The following PSMA5 variants were observed in gnomAD, a reference collection of about 807,000 sequenced individuals.
PSMA5 encodes the protein proteasome subunit alpha type-5.
Under a neutral mutation model 34.5 loss-of-function variants are expected in PSMA5, and 3 were observed. The observed-to-expected ratio is 0.09, with a 90% CI of 0.04 to 0.22. PSMA5 has a LOEUF of 0.22. Among genes scored for constraint, PSMA5 ranks in the 10% least tolerant of loss-of-function variants. The probability of loss-of-function intolerance (pLI) is 1.00; values close to 1 mark genes in which losing one functional copy is unlikely to be tolerated. For missense variants in PSMA5, 120 were observed against 286.1 expected, an observed-to-expected ratio of 0.42 and a Z score of 4.19; for synonymous variants, 88 against 95.8, an observed-to-expected ratio of 0.92 and a Z score of 0.47.
intron 8 of PSMA5, among the ~76,000 whole-genome samples, chr1:109,405,454 T>TG (rs1190905600): frequency 6.7e-6 from 1 of 148,276 alleles, no homozygotes; most frequent in African/African-American, 2.5e-5. Flanking sequence ...AAGGTTTTTT[T>TG]TTTTTTTTTT....
intron 8 of PSMA5, among the ~76,000 whole-genome samples, chr1:109,406,847 T>C (rs994388785): frequency 1.3e-5 from 2 of 152,176 alleles, no homozygotes; most frequent in Admixed American, 6.6e-5. Flanking sequence ...CAACATCCGC[T>C]GAATTGTAAA....
chr1:109,411,732 C>A (rs1653997387), intron 6 of PSMA5, 145 bp downstream of exon 6: 1 of 758,370 alleles, frequency 1.3e-6, no homozygotes, highest in African/African-American at 1.8e-5. Flanking sequence ...CTCAAGAGAT[C>A]CTCCTGCCTT....
At chr1:109,421,660 C>G (rs1382392299) in intron 2 of PSMA5, among the ~76,000 whole-genome samples, 200 bp downstream of exon 2, 1 of 151,996 alleles carries the variant, frequency 6.6e-6, no homozygotes, top group African/African-American at 2.4e-5. Flanking sequence ...AATTATGAAG[C>G]AGTTAACTGC....
At chr1:109,402,159 G>T in intron 8 of PSMA5, 69 bp from the exon 9 acceptor site, 1 of 1,155,388 alleles carries the variant, frequency 8.7e-7, no homozygotes, top group South Asian at 1.3e-5. Context: ...CCATGGTCAG[G>T]AGAAGCTGTG....
At chr1:109,425,594 C>T (rs1299392562) in intron 1 of PSMA5, 1 of 152,126 alleles carries the variant, frequency 6.6e-6, no homozygotes, top group East Asian at 1.9e-4. Flanking sequence ...AAAAGAGTAG[C>T]TATGTAAAAA....
chr1:109,401,906 A>G lies in PSMA5; in HGVS notation c.*107T>C. 1 of 839,952 alleles carries G rather than the reference A, an allele frequency of 1.2e-6. No individual in the cohort carries two copies. The highest frequency in any genetic ancestry group is 1.9e-6 in the Non-Finnish European group (1 of 537,890). 52.0% of individuals were successfully genotyped at this position (839,952 alleles called of 1,614,324 possible). Reference sequence around the variant, plus strand: ...CTTTATGTACAGACATCATTTAAAAAATGCACATACAATGGAGATTTTCCA... The same window carrying G: ...CTTTATGTACAGACATCATTTAAAAGATGCACATACAATGGAGATTTTCCA... On this transcript the variant is annotated 3_prime_UTR_variant, in exon 9 of 9. Coordinates refer to ENST00000271308, the MANE Select transcript of PSMA5 (RefSeq NM_002790.4).
At chr1:109,424,482 C>A (rs10858096) in intron 1 of PSMA5, among the ~76,000 whole-genome samples, 65,798 of 151,762 alleles carry the variant, frequency 0.43, 16,359 homozygotes, top group East Asian at 0.62. Flanking sequence ...GTAAACAATT[C>A]TTTAAGAGTC....
chr1:109,426,059 C>A, intron 1 of PSMA5: 1 of 584,740 alleles, frequency 1.7e-6, no homozygotes, highest in Non-Finnish European at 3.1e-6. Context: ...CAAGCACCAG[C>A]CGGAGCTTCT....
At chr1:109,426,200 G>A (rs1654650572) in intron 1 of PSMA5, 102 bp downstream of exon 1, 1 of 1,505,866 alleles carries the variant, frequency 6.6e-7, no homozygotes, top group Non-Finnish European at 9.2e-7. Flanking sequence ...CCAGTCTCGG[G>A]TTCCTGGGGA....
chr1:109,407,445 C>CTGCTG (rs1653818149), intron 8 of PSMA5, among the ~76,000 whole-genome samples: 1 of 152,064 alleles, frequency 6.6e-6, no homozygotes, highest in Admixed American at 6.6e-5. Flanking sequence ...CCTATGAAAG[C>CTGCTG]TGGTTCTATG....
chr1:109,421,065 G>T (rs1038111975), intron 2 of PSMA5, among the ~76,000 whole-genome samples: 3 of 150,748 alleles, frequency 2.0e-5, no homozygotes, highest in Non-Finnish European at 3.0e-5. Flanking sequence ...GCACACATCT[G>T]TACCCTAGCT....
At chr1:109,411,971 G>C (rs370937312) in intron 5 of PSMA5, 36 bp from the exon 6 acceptor site, 680 of 1,594,420 alleles carry the variant, frequency 4.3e-4, no homozygotes, top group Non-Finnish European at 5.6e-4. Flanking sequence ...AAGATAAATG[G>C]CTATAAAGTA....
chr1:109,426,365 A>C lies in PSMA5; in HGVS notation c.-35T>G. 1 of 1,598,398 alleles carries C rather than the reference A, an allele frequency of 6.3e-7. No individual in the cohort carries two copies. Among genetic ancestry groups the C allele is most frequent in the East Asian group, 2.3e-5 (1 of 43,460 alleles). On this transcript the variant is annotated 5_prime_UTR_variant, in exon 1 of 9. Transcript: ENST00000271308. ...AGGAGGAGGCAGCGGCTACGCGGGG[A>C]TTCTGAGGACCAACACGACTCCACC...
intron 1 of PSMA5, among the ~76,000 whole-genome samples, chr1:109,424,220 T>C (rs1465325183): frequency 1.3e-5 from 2 of 152,198 alleles, no homozygotes; most frequent in African/African-American, 4.8e-5. Context: ...CATCAAAACT[T>C]CCATGGTATT....
Position 109,408,911 on chromosome 1 carries a change from G to T in PSMA5, c.648+1017C>A, listed in dbSNP as rs149775890. On this transcript the variant is annotated intron_variant, in intron 8 of 8. Transcript: ENST00000271308. Reference sequence around the variant, plus strand: ...TCACCATGTTGGGCAGGCTGGTCTTGAACTCCTGCCCTCAAGCGATCCACC... The same window carrying T: ...TCACCATGTTGGGCAGGCTGGTCTTTAACTCCTGCCCTCAAGCGATCCACC... 5.0e-3 allele frequency among the ~76,000 whole-genome samples: 762 copies of T among 152,036 alleles called. 10 individuals are homozygous for T. Among genetic ancestry groups the T allele is most frequent in the African/African-American group, 0.018 (731 of 41,458 alleles).
chr1:109,405,980 T>G (rs1286268059), intron 8 of PSMA5, among the ~76,000 whole-genome samples: 1 of 151,940 alleles, frequency 6.6e-6, no homozygotes, highest in Non-Finnish European at 1.5e-5. Context: ...AATGACTGAG[T>G]AAAAGGGAAG....
rs1348387740 is a variant in PSMA5 at position 109,425,915 on chromosome 1, G to A, written c.29+387C>T. On this transcript the variant is annotated intron_variant, in intron 1 of 8. Coordinates refer to ENST00000271308, the MANE Select transcript of PSMA5 (RefSeq NM_002790.4). ...TACAAACCAGTTGCTTTTTCTTCCA[G>A]GAAGCACGTTTAACTTTTTGTTTGT... is the stretch of plus-strand genomic sequence containing the variant. 2.7e-5 allele frequency: 7 copies of A among 258,568 alleles called. No homozygotes were observed. In the East Asian group the frequency reaches 4.4e-4, roughly 16 times the overall value. 16.0% of individuals were successfully genotyped at this position (258,568 alleles called of 1,614,324 possible).
Position 109,409,973 on chromosome 1 carries a change from G to A in PSMA5, c.603C>T (p.Ile201=), listed in dbSNP as rs760874408. Residue 201 remains isoleucine (I), a synonymous_variant, in exon 8 of 9, where the codon ATC becomes ATT. Transcript: ENST00000271308. ...GCTTCTCCTCCATTACTTGTTTGAG[G>A]ATGATGAGTGAAGACTTGATGGCTT... ...LKEAIKSSLI[I]LKQVMEEKLN... The A allele has an allele frequency of 6.2e-7, 1 of 1,609,238 alleles. No individual in the cohort carries two copies. The highest frequency in any genetic ancestry group is 1.3e-5 in the African/African-American group (1 of 74,680).
intron 8 of PSMA5, 39 bp downstream of exon 8, chr1:109,409,884 TAAAAA>T (rs3832015): frequency 1.5e-5 from 18 of 1,219,384 alleles, no homozygotes; most frequent in Admixed American, 4.3e-5. Flanking sequence ...CCTCATCTCT[TAAAAA>T]AAAAACCGAA....
Sources: gnomAD v4.1 joint callset for allele counts (sites outside exome capture counted in the v4.1 genomes callset) on GRCh38, gnomAD v4.1.1 for gene constraint, MANE v1.5 for transcripts, NCBI Gene and HGNC (gene_info 2026-07-23, HGNC 2026-07-21) for gene names.